Variants in SKP2 observed in about 807,000 individuals in gnomAD.
SKP2 encodes the protein S-phase kinase associated protein 2.
Under a neutral mutation model 51.8 loss-of-function variants are expected in SKP2, and 16 were observed. The ratio of observed to expected loss-of-function variants is 0.31; its 90% confidence interval spans 0.21 to 0.47. The LOEUF is 0.47. Ranked by LOEUF, SKP2 falls within the 20% of genes least tolerant of loss-of-function variation. SKP2 has a pLI of 1.00. For missense variants in SKP2, 377 were observed against 505.3 expected, an observed-to-expected ratio of 0.75 and a Z score of 2.43; for synonymous variants, 176 against 198.6, an observed-to-expected ratio of 0.89 and a Z score of 0.96.
rs1165616012 is a variant in SKP2 at position 36,152,976 on chromosome 5, A to C, written c.214A>C (p.Ser72Arg). The change falls in exon 2 of 10, where the codon AGC (serine) becomes CGC (arginine). Residue 72 changes from serine to arginine, a missense_variant. This residue lies in a region of SKP2 where 115 missense variants were observed against 115.5 expected (regional missense o/e 1.00). Coordinates refer to ENST00000274255, the MANE Select transcript of SKP2 (RefSeq NM_005983.4). ...PESPPRKRLK[S>R]KGSDKDFVIV... is the part of the protein sequence containing the mutation. ...GAGCCCCCCACGGAAACGGCTGAAG[A>C]GCAAAGGGAGTGACAAAGACTTTGT... is the stretch of plus-strand genomic sequence containing the variant. 1.9e-6 allele frequency: 3 copies of C among 1,614,168 alleles called. No homozygotes were observed. Among genetic ancestry groups the C allele is most frequent in the Non-Finnish European group, 8.5e-7 (1 of 1,180,034 alleles).
At chr5:36,170,515 T>C in intron 6 of SKP2, 73 bp downstream of exon 6, 1 of 898,668 alleles carries the variant, frequency 1.1e-6, no homozygotes, top group South Asian at 1.7e-5. Context: ...CTGTATAAAA[T>C]GGGATGAACT....
At chr5:36,173,404 T>A (rs1388913521) in intron 7 of SKP2, among the ~76,000 whole-genome samples, 1 of 152,188 alleles carries the variant, frequency 6.6e-6, no homozygotes, top group Admixed American at 6.5e-5. Context: ...AAGTTTAAAC[T>A]CTTCACCCAC....
chr5:36,154,393 G>A (rs949210612), intron 2 of SKP2, among the ~76,000 whole-genome samples: 4 of 152,154 alleles, frequency 2.6e-5, no homozygotes, highest in East Asian at 1.9e-4. Flanking sequence ...TGGAATGAGC[G>A]AAAGGGAGAG....
Position 36,166,506 on chromosome 5 carries a change from T to C in SKP2, c.393-13T>C. 1 of 1,613,638 alleles carries C rather than the reference T, an allele frequency of 6.2e-7. No individual in the cohort carries two copies. Among genetic ancestry groups the C allele is most frequent in the Non-Finnish European group, 8.5e-7 (1 of 1,179,654 alleles). ...TGACCGACTGGCCAAATTAAGTATC[T>C]CCTCTTTTATAGGTCTGATGAGTCT... On this transcript the variant is annotated splice_polypyrimidine_tract_variant and intron_variant, in intron 3 of 9. Coordinates refer to ENST00000274255, the MANE Select transcript of SKP2 (RefSeq NM_005983.4).
At chr5:36,177,454 T>C (rs1054513727) in intron 9 of SKP2, 162 bp downstream of exon 9, 3 of 711,396 alleles carry the variant, frequency 4.2e-6, no homozygotes, top group African/African-American at 3.5e-5. Context: ...TTGCTTAAAC[T>C]GGTGAAATTG....
At chr5:36,163,437 C>T (rs1171478050) in intron 2 of SKP2, among the ~76,000 whole-genome samples, 1 of 151,962 alleles carries the variant, frequency 6.6e-6, no homozygotes, top group Admixed American at 6.5e-5. Context: ...GAATTTAACA[C>T]GAATTAAATT....
At chr5:36,181,692 A>G in intron 9 of SKP2, 126 bp from the exon 10 acceptor site, 1 of 926,554 alleles carries the variant, frequency 1.1e-6, no homozygotes, top group Non-Finnish European at 1.7e-6. Flanking sequence ...CAAATCATTT[A>G]TTGTAAATTA....
chr5:36,173,751 G>A (rs1440055258), intron 7 of SKP2, among the ~76,000 whole-genome samples: 4 of 152,090 alleles, frequency 2.6e-5, no homozygotes, highest in African/African-American at 7.2e-5. Flanking sequence ...GTAAATTGAA[G>A]TGTTAGTTTT....
chr5:36,187,941 T>A (rs1370246259), downstream of SKP2, among the ~76,000 whole-genome samples: 1 of 152,210 alleles, frequency 6.6e-6, no homozygotes, highest in African/African-American at 2.4e-5. Flanking sequence ...CATATATATT[T>A]AGGATAGTTA....
At chr5:36,171,318 G>A (rs2287934) in intron 6 of SKP2, among the ~76,000 whole-genome samples, 38,265 of 152,046 alleles carry the variant, frequency 0.25, 8,784 homozygotes, top group African/African-American at 0.61. Flanking sequence ...ATAAAAGACT[G>A]GCATTTCTAC....
intron 6 of SKP2, among the ~76,000 whole-genome samples, chr5:36,190,554 C>T (rs1360704915): frequency 6.6e-6 from 1 of 152,020 alleles, no homozygotes; most frequent in Non-Finnish European, 1.5e-5. Flanking sequence ...CAGAGGCCTT[C>T]CAGGAATTCT....
intron 9 of SKP2, among the ~76,000 whole-genome samples, chr5:36,181,404 T>C (rs763737252): frequency 1.6e-4 from 25 of 152,224 alleles, no homozygotes; most frequent in Non-Finnish European, 3.1e-4. Context: ...ATCCTTAATT[T>C]GCATGTAACC....
chr5:36,171,672 T>C lies in SKP2; in HGVS notation c.840T>C (p.His280=). 1 of 1,613,928 alleles carries C rather than the reference T, an allele frequency of 6.2e-7. No homozygotes were observed. The highest frequency in any genetic ancestry group is 1.1e-5 in the South Asian group (1 of 91,070). The change falls in exon 7 of 10, where the codon CAT becomes CAC. Residue 280 remains histidine, a synonymous_variant. Coordinates refer to ENST00000274255, the MANE Select transcript of SKP2 (RefSeq NM_005983.4). The stretch of plus-strand genomic sequence containing the variant: ...AGCATGTACAGGTGGCTGTTGCGCA[T>C]GTGTCAGAGACCATCACCCAGCTGA... ...TEKHVQVAVA[H]VSETITQLNL... is the part of the protein sequence containing the mutation.
chr5:36,177,002 C>G lies in SKP2; in HGVS notation c.939C>G (p.Val313=). Residue 313 remains valine (V), a synonymous_variant, in exon 8 of 10, where the codon GTC becomes GTG. Transcript: ENST00000274255. ...STLVRRCPNL[V]HLDLSDSVML... ...TAGTTAGAAGATGCCCCAATCTTGT[C>G]CATCTAGACTTAAGGTATTTTTTTA... The G allele has an allele frequency of 6.3e-7, 1 of 1,594,780 alleles. No individual in the cohort carries two copies. Among genetic ancestry groups the G allele is most frequent in the Non-Finnish European group, 8.6e-7 (1 of 1,167,400 alleles).
chr5:36,155,085 G>A (rs928421322), intron 2 of SKP2: 1 of 152,162 alleles, frequency 6.6e-6, no homozygotes, highest in African/African-American at 2.4e-5. Flanking sequence ...TTTGCAGAAG[G>A]GTTGATAGAT....
intron 6 of SKP2, among the ~76,000 whole-genome samples, chr5:36,171,086 T>C (rs1745457650): frequency 6.6e-6 from 1 of 152,190 alleles, no homozygotes; most frequent in African/African-American, 2.4e-5. Flanking sequence ...GCCCTATATT[T>C]AGTCAGCAGT....
chr5:36,152,390 G>A, intron 1 of SKP2, 120 bp downstream of exon 1: 1 of 990,214 alleles, frequency 1.0e-6, no homozygotes, highest in Non-Finnish European at 1.6e-6. Context: ...TGGTTGCTTA[G>A]CCCCTTCTTG....
At chr5:36,159,135 C>T (rs1745045459) in intron 2 of SKP2, among the ~76,000 whole-genome samples, 1 of 152,120 alleles carries the variant, frequency 6.6e-6, no homozygotes, top group South Asian at 2.1e-4. Flanking sequence ...GGTGGGAATG[C>T]TTCTTTGAGC....
chr5:36,159,311 T>G (rs1219568693), intron 2 of SKP2, among the ~76,000 whole-genome samples: 1 of 152,224 alleles, frequency 6.6e-6, no homozygotes, highest in Admixed American at 6.5e-5. Flanking sequence ...TTTAATTACC[T>G]GGCTGCTACT....
Sources: gnomAD v4.1 joint callset for allele counts (sites outside exome capture counted in the v4.1 genomes callset) on GRCh38, gnomAD v4.1.1 for gene constraint, gnomAD v4.1.1 regional missense constraint, MANE v1.5 for transcripts, NCBI Gene and HGNC (gene_info 2026-07-23, HGNC 2026-07-21) for gene names.